Variants in CEP70 observed in about 807,000 individuals in gnomAD.
The protein encoded by CEP70 is centrosomal protein 70.
In CEP70, 70 loss-of-function variants were observed where a neutral mutation model predicts 90.9. That is an observed-to-expected ratio of 0.77 (90% CI 0.64 to 0.94). The LOEUF (loss-of-function observed/expected upper bound fraction) is 0.94, where lower values mean the gene tolerates loss of function less well. Ranked by LOEUF, CEP70 falls within the 40% of genes least tolerant of loss-of-function variation. The pLI is 0.00. For missense variants in CEP70, 648 were observed against 669.0 expected (o/e 0.97, Z 0.35); for synonymous variants, 220 against 228.3 (o/e 0.96, Z 0.33).
At chr3:138,580,126 G>C (rs373302932) in intron 2 of CEP70, among the ~76,000 whole-genome samples, 1 of 152,038 alleles carries the variant, frequency 6.6e-6, no homozygotes, top group South Asian at 2.1e-4. Flanking sequence ...TCTCTGCCTG[G>C]GGAAAGGGGA....
chr3:138,564,248 C>T (rs1200923302), intron 6 of CEP70, among the ~76,000 whole-genome samples: 1 of 152,176 alleles, frequency 6.6e-6, no homozygotes, highest in East Asian at 1.9e-4. Flanking sequence ...GATGGATTCA[C>T]AGTGAATTCT....
intron 10 of CEP70, 110 bp from the exon 11 acceptor site, chr3:138,525,674 T>C (rs1484116209): frequency 7.2e-6 from 3 of 417,752 alleles, no homozygotes; most frequent in Non-Finnish European, 1.2e-5. Flanking sequence ...AATATACTTA[T>C]TAAGCTTCTG....
chr3:138,520,298 T>A (rs1354509621), intron 11 of CEP70, among the ~76,000 whole-genome samples: 2 of 151,948 alleles, frequency 1.3e-5, no homozygotes, highest in African/African-American at 4.8e-5. Context: ...AAGAAGGATA[T>A]CCAGGAATTG....
intron 2 of CEP70, among the ~76,000 whole-genome samples, chr3:138,584,080 A>G (rs991827845): frequency 1.3e-5 from 2 of 152,050 alleles, no homozygotes; most frequent in Non-Finnish European, 2.9e-5. Context: ...AGAGATGAAA[A>G]AGGAGACATT....
intron 11 of CEP70, among the ~76,000 whole-genome samples, chr3:138,519,091 G>A (rs1301183083): frequency 2.6e-5 from 4 of 152,160 alleles, no homozygotes; most frequent in Non-Finnish European, 4.4e-5. Flanking sequence ...AGTGATGGAA[G>A]ATCAAATGAA....
At position 138,510,432 on chromosome 3, in the gene CEP70, C is replaced by CA. The variant is rs1234177301; in HGVS notation, c.945-1889_945-1888insT. Among the ~76,000 whole-genome samples the CA allele has an allele frequency of 2.1e-4, 26 of 124,698 alleles. No individual in the cohort carries two copies. In the South Asian group the frequency reaches 5.4e-3, roughly 26 times the overall value. The allele number at this position is 124,698 out of a possible 152,430, so 81.8% of individuals were successfully genotyped here. On this transcript the variant is annotated intron_variant, in intron 11 of 17. Coordinates refer to ENST00000264982, the MANE Select transcript of CEP70 (RefSeq NM_024491.4). ...TGGGTGACAGAGTGAGACTCCATCT[C>CA]CAAAAAAAAAAAGAAATACTGTGTT... is the stretch of plus-strand genomic sequence containing the variant.
chr3:138,525,515 C>G lies in CEP70; in HGVS notation c.919G>C (p.Glu307Gln). ...TTGACGTTTTTCTTAAGGGCTTTTT[C>G]CAGCTTCTTCACCTGCTGTTTATAA... Reference protein sequence around the residue: ...RLYKQQVKKLEKALKKNVKLQ... With the variant: ...RLYKQQVKKLQKALKKNVKLQ... The change falls in exon 11 of 18, where the codon GAA becomes CAA. Residue 307 changes from glutamate to glutamine, a missense_variant. Physicochemically the swap from Glu to Gln is conservative, Grantham distance 29 (BLOSUM62 2). Coordinates refer to ENST00000264982, the MANE Select transcript of CEP70 (RefSeq NM_024491.4). 1 of 1,419,652 alleles carries G rather than the reference C, an allele frequency of 7.0e-7. No homozygotes were observed. The highest frequency in any genetic ancestry group is 9.3e-7 in the Non-Finnish European group (1 of 1,078,968). The allele number at this position is 1,419,652 out of a possible 1,614,324, so 87.9% of individuals were successfully genotyped here.
intron 2 of CEP70, among the ~76,000 whole-genome samples, chr3:138,579,262 AAT>A (rs1024256782): frequency 3.3e-5 from 5 of 152,056 alleles, no homozygotes; most frequent in Non-Finnish European, 7.3e-5. Context: ...TGGGGTCCTA[AAT>A]AAACTTGAAA....
intron 11 of CEP70, among the ~76,000 whole-genome samples, chr3:138,524,348 T>C (rs1237987205): frequency 6.6e-6 from 1 of 151,804 alleles, no homozygotes; most frequent in Non-Finnish European, 1.5e-5. Context: ...CCAAAAGCAA[T>C]GGCAACAAAA....
At chr3:138,550,153 C>G (rs1264877220) in intron 6 of CEP70, among the ~76,000 whole-genome samples, 1 of 152,090 alleles carries the variant, frequency 6.6e-6, no homozygotes, top group Non-Finnish European at 1.5e-5. Context: ...AAACAAGGCT[C>G]TTTAACACTC....
chr3:138,572,850 T>C lies in CEP70; in HGVS notation c.69+9A>G, dbSNP rs760075682. 3.2e-6 allele frequency: 5 copies of C among 1,561,044 alleles called. No individual in the cohort carries two copies. Among genetic ancestry groups the C allele is most frequent in the Non-Finnish European group, 4.4e-6 (5 of 1,132,650 alleles). On this transcript the variant is annotated intron_variant, in intron 3 of 17. Coordinates refer to ENST00000264982, the MANE Select transcript of CEP70 (RefSeq NM_024491.4). The stretch of plus-strand genomic sequence containing the variant: ...TGAGAAGCAGTGTCTTAAAATATTT[T>C]AAGTTTACCTGTTTTTCAGTCATGA...
chr3:138,526,860 TATGTTA>T (rs2037303218), intron 10 of CEP70, among the ~76,000 whole-genome samples: 1 of 152,238 alleles, frequency 6.6e-6, no homozygotes, highest in Non-Finnish European at 1.5e-5. Flanking sequence ...AGATGATGGA[TATGTTA>T]ATTAGCTTGA....
At chr3:138,538,296 A>G (rs748343803) in intron 6 of CEP70, among the ~76,000 whole-genome samples, 2 of 152,190 alleles carry the variant, frequency 1.3e-5, no homozygotes, top group Non-Finnish European at 2.9e-5. Flanking sequence ...GTTCAGCAGC[A>G]CCACACTGTA....
intron 6 of CEP70, among the ~76,000 whole-genome samples, chr3:138,566,715 C>T (rs568224762): frequency 1.2e-4 from 18 of 151,804 alleles, no homozygotes; most frequent in Non-Finnish European, 2.1e-4. Flanking sequence ...ATGTAGATGA[C>T]GGGTTGATGA....
chr3:138,513,127 G>A (rs996481583), intron 11 of CEP70, among the ~76,000 whole-genome samples: 1 of 152,222 alleles, frequency 6.6e-6, no homozygotes, highest in Non-Finnish European at 1.5e-5. Context: ...CAAAGGCTCT[G>A]CCTGGAAGAT....
rs141955611 is a variant in CEP70, at chr3:138,579,640, G to A, written c.-5-6708C>T. Among the ~76,000 whole-genome samples, 17 of 151,904 alleles carry A rather than the reference G, an allele frequency of 1.1e-4. No individual in the cohort carries two copies. The East Asian group carries it at 2.6e-3, about 23-fold the overall frequency. ...CCAGAAAGGAGCCCACTGCCTTGGAGGGAAGGACCCAGTCCTGGCAGGATT... is the reference window on the plus strand; with the variant it reads ...CCAGAAAGGAGCCCACTGCCTTGGAAGGAAGGACCCAGTCCTGGCAGGATT... On this transcript the variant is annotated intron_variant, in intron 2 of 17. Transcript: ENST00000264982.
At chr3:138,546,566 T>C (rs1247095040) in intron 6 of CEP70, among the ~76,000 whole-genome samples, 3 of 152,032 alleles carry the variant, frequency 2.0e-5, no homozygotes, top group Non-Finnish European at 4.4e-5. Flanking sequence ...CTGGCCAACA[T>C]GGTGAAACCC....
chr3:138,548,179 C>A (rs183802077), intron 6 of CEP70, among the ~76,000 whole-genome samples: 45 of 152,264 alleles, frequency 3.0e-4, no homozygotes, highest in African/African-American at 1.0e-3. Context: ...ATACCACAAC[C>A]AAGTGGAATT....
intron 6 of CEP70, among the ~76,000 whole-genome samples, chr3:138,549,403 T>C (rs556112781): frequency 6.6e-6 from 1 of 151,704 alleles, no homozygotes; most frequent in South Asian, 2.1e-4. Flanking sequence ...GCCTTTTGGA[T>C]TGCGTGGGAG....
Sources: allele counts gnomAD v4.1 joint callset (sites outside exome capture counted in the v4.1 genomes callset), GRCh38; gene constraint gnomAD v4.1.1; transcripts MANE v1.5; gene names NCBI Gene and HGNC (gene_info 2026-07-23, HGNC 2026-07-21).